TES: variants seen among roughly 807,000 people sequenced by gnomAD.
TES encodes the protein testin.
A neutral mutation model predicts 48.2 loss-of-function variants in TES; 41 were observed. The ratio of observed to expected loss-of-function variants is 0.85; its 90% CI spans 0.66 to 1.10. The LOEUF (loss-of-function observed/expected upper bound fraction) is 1.10. Ranked by LOEUF, TES falls within the 50% of genes least tolerant of loss-of-function variation. TES has a pLI of 0.00. For synonymous variants in TES, 162 were observed against 174.9 expected, an observed-to-expected ratio of 0.93 and a Z score of 0.58; for missense variants, 463 against 515.1, an observed-to-expected ratio of 0.90 and a Z score of 0.98.
At chr7:116,210,941 G>T (rs1799429946) in intron 1 of TES, 1 of 366,628 alleles carries the variant, frequency 2.7e-6, no homozygotes, top group Admixed American at 4.8e-5. Context: ...ACTCGGGAGC[G>T]ACAGAATTGG....
At chr7:116,251,421 G>A (rs57535755) in intron 4 of TES, 44,075 of 237,506 alleles carry the variant, frequency 0.19, 4,630 homozygotes, top group East Asian at 0.42. Context: ...AGTGGCTCAC[G>A]CCTGTAATCC....
intron 1 of TES, among the ~76,000 whole-genome samples, chr7:116,216,559 C>T (rs1393493171): frequency 6.6e-6 from 1 of 151,616 alleles, no homozygotes; most frequent in Non-Finnish European, 1.5e-5. Context: ...GTGTAATGTT[C>T]CACAGTGCTT....
chr7:116,227,083 TTTTA>T (rs1799630174), intron 1 of TES, among the ~76,000 whole-genome samples: 1 of 147,120 alleles, frequency 6.8e-6, no homozygotes, highest in African/African-American at 2.5e-5. Flanking sequence ...AACCTACACT[TTTTA>T]TTTTATTTAT....
At chr7:116,236,391 G>T (rs769151389) in intron 2 of TES, among the ~76,000 whole-genome samples, 1 of 152,028 alleles carries the variant, frequency 6.6e-6, no homozygotes, top group Admixed American at 6.6e-5. Flanking sequence ...TTTGTGTCTT[G>T]TACAAAATTA....
At position 116,249,030 on chromosome 7, in the gene TES, C is replaced by T. The variant is rs142430563; in HGVS notation, c.124C>T (p.Arg42Cys). 7.3e-5 allele frequency: 116 copies of T among 1,584,042 alleles called. No homozygotes were observed. The highest frequency in any genetic ancestry group is 1.8e-4 in the East Asian group (8 of 44,496). The change falls in exon 3 of 7, where the codon CGT becomes TGT. Residue 42 changes from arginine (R) to cysteine (C), a missense_variant. By Grantham distance (180) the Arg-to-Cys change is radical (BLOSUM62 -3). Coordinates refer to ENST00000358204, the MANE Select transcript of TES (RefSeq NM_015641.4). ...TTTTCAAAATTATAGAAAAATATGT[C>T]GTAACTGCAAGTGTGGCCAAGAAGA... ...FELHFWRKIC[R>C]NCKCGQEEHD... is the part of the protein sequence containing the mutation.
At chr7:116,214,073 T>G (rs1168004569) in intron 1 of TES, among the ~76,000 whole-genome samples, 1 of 152,160 alleles carries the variant, frequency 6.6e-6, no homozygotes, top group East Asian at 1.9e-4. Flanking sequence ...CATTTTACCG[T>G]GTTCATTTTT....
At chr7:116,219,686 G>A (rs1335263329) in intron 1 of TES, among the ~76,000 whole-genome samples, 1 of 152,140 alleles carries the variant, frequency 6.6e-6, no homozygotes, top group Non-Finnish European at 1.5e-5. Flanking sequence ...GGGATATGAT[G>A]TTGAATACTA....
chr7:116,227,291 AT>A (rs754550815), intron 1 of TES, among the ~76,000 whole-genome samples: 281 of 137,070 alleles, frequency 2.1e-3, no homozygotes, highest in Non-Finnish European at 2.2e-3. Context: ...TATTTTTTGT[AT>A]TTTTTTTTTT....
intron 3 of TES, 123 bp from the exon 4 acceptor site, chr7:116,250,038 G>C: frequency 1.5e-6 from 1 of 657,348 alleles, no homozygotes; most frequent in East Asian, 3.2e-5. Flanking sequence ...TACTGTGAGG[G>C]TGAGTTGCTG....
intron 1 of TES, among the ~76,000 whole-genome samples, chr7:116,221,501 G>T (rs543511686): frequency 6.6e-6 from 1 of 152,122 alleles, no homozygotes; most frequent in East Asian, 1.9e-4. Flanking sequence ...TGACTTACTT[G>T]GATCAGTAGA....
rs185647954 is a variant in TES at position 116,225,040 on chromosome 7, G to C, written c.28-9494G>C. 1.6e-3 allele frequency among the ~76,000 whole-genome samples: 247 copies of C among 151,998 alleles called. 1 individual carries two copies. Among genetic ancestry groups the C allele is most frequent in the Non-Finnish European group, 2.5e-3 (167 of 67,994 alleles). On this transcript the variant is annotated intron_variant, in intron 1 of 6. Transcript: ENST00000358204. ...GATGATAATACTTTTCCAATAGGTT[G>C]TTGGGGATTAAATGTGATGGTTATA...
chr7:116,237,706 C>G (rs969689423), intron 2 of TES, among the ~76,000 whole-genome samples: 1 of 152,120 alleles, frequency 6.6e-6, no homozygotes, highest in African/African-American at 2.4e-5. Flanking sequence ...CAGAAATGTA[C>G]TTTCTTCCAG....
intron 2 of TES, among the ~76,000 whole-genome samples, chr7:116,236,869 A>C (rs1799779407): frequency 6.6e-6 from 1 of 152,170 alleles, no homozygotes; most frequent in African/African-American, 2.4e-5. Flanking sequence ...AAGAGCCATA[A>C]TAGTCTAGGA....
chr7:116,249,062 T>G lies in TES; in HGVS notation c.156T>G (p.Asp52Glu). The G allele has an allele frequency of 4.3e-6, 7 of 1,612,906 alleles. No homozygotes were observed. The highest frequency in any genetic ancestry group is 5.9e-6 in the Non-Finnish European group (7 of 1,178,992). ...RNCKCGQEEHDVLLSNEEDRK... is the reference protein window; with the variant it reads ...RNCKCGQEEHEVLLSNEEDRK... ...GCAAGTGTGGCCAAGAAGAGCATGA[T>G]GTCCTCTTGAGCAATGAAGAGGATC... is the stretch of plus-strand genomic sequence containing the variant. The change falls in exon 3 of 7, where the codon GAT becomes GAG. Residue 52 changes from aspartate (D) to glutamate (E), a missense_variant. Asp to Glu is a conservative substitution (Grantham distance 45). Transcript: ENST00000358204.
At chr7:116,255,568 T>G (rs2116637110) in intron 6 of TES, among the ~76,000 whole-genome samples, 1 of 152,376 alleles carries the variant, frequency 6.6e-6, no homozygotes, top group African/African-American at 2.4e-5. Context: ...TTTTCTTAAT[T>G]TCATGTGTAA....
intron 1 of TES, among the ~76,000 whole-genome samples, chr7:116,219,288 A>G (rs552652987): frequency 2.0e-5 from 3 of 152,278 alleles, no homozygotes; most frequent in African/African-American, 7.2e-5. Context: ...AAAGTAGATG[A>G]GCTGCAGTAA....
Position 116,249,228 on chromosome 7 carries a change from A to G in TES, c.322A>G (p.Thr108Ala). Residue 108 changes from threonine (T) to alanine (A), a missense_variant, in exon 3 of 7, where the codon ACA becomes GCA. By Grantham distance (58) the Thr-to-Ala change is moderately conservative. Coordinates refer to ENST00000358204, the MANE Select transcript of TES (RefSeq NM_015641.4). ...VAAKKNVSIN[T>A]VTYEWAPPVQ... ...TGCCAAGAAGAATGTCTCCATCAAT[A>G]CAGTTACCTATGAGTGGGCTCCTCC... is the stretch of plus-strand genomic sequence containing the variant. 1 of 1,614,096 alleles carries G rather than the reference A, an allele frequency of 6.2e-7. No individual in the cohort carries two copies. Among genetic ancestry groups the G allele is most frequent in the Non-Finnish European group, 8.5e-7 (1 of 1,179,972 alleles).
At chr7:116,236,298 T>C (rs561737953) in intron 2 of TES, among the ~76,000 whole-genome samples, 1 of 152,286 alleles carries the variant, frequency 6.6e-6, no homozygotes, top group Non-Finnish European at 1.5e-5. Context: ...CCAAAACTTC[T>C]TGAGTGTCAA....
chr7:116,250,656 G>A (rs1318617619), intron 4 of TES, among the ~76,000 whole-genome samples, 160 bp downstream of exon 4: 1 of 152,170 alleles, frequency 6.6e-6, no homozygotes, highest in Non-Finnish European at 1.5e-5. Flanking sequence ...CCCACAGAGG[G>A]TCATCGTGTT....
Sources: gnomAD v4.1 joint callset for allele counts (sites outside exome capture counted in the v4.1 genomes callset) on GRCh38, gnomAD v4.1.1 for gene constraint, MANE v1.5 for transcripts, NCBI Gene and HGNC (gene_info 2026-07-23, HGNC 2026-07-21) for gene names.